The following CDH13 variants were observed in gnomAD, a reference collection of about 807,000 sequenced individuals.
CDH13 encodes the protein cadherin-13.
Under a neutral mutation model 63.8 loss-of-function variants are expected in CDH13, and 24 were observed. That is an observed-to-expected ratio of 0.38 (90% confidence interval 0.27 to 0.53). The LOEUF (loss-of-function observed/expected upper bound fraction) is 0.53. Ranked by LOEUF, CDH13 falls within the 20% of genes least tolerant of loss-of-function variation. The probability of loss-of-function intolerance (pLI) is 0.85; values close to 1 mark genes in which losing one functional copy is unlikely to be tolerated. For synonymous variants in CDH13, 503 were observed against 355.3 expected (o/e 1.42, Z -4.67); for missense variants, 1,049 against 903.1 (o/e 1.16, Z -2.07).
chr16:83,013,474 C>T (rs939230787), intron 2 of CDH13, among the ~76,000 whole-genome samples: 10 of 152,306 alleles, frequency 6.6e-5, no homozygotes, highest in South Asian at 4.1e-4. Flanking sequence ...ATGAAGCCCA[C>T]GCTTCAGTGT....
intron 5 of CDH13, among the ~76,000 whole-genome samples, chr16:83,263,629 T>C (rs1597617385): frequency 6.6e-6 from 1 of 152,214 alleles, no homozygotes; most frequent in Non-Finnish European, 1.5e-5. Context: ...TTGGCCAATG[T>C]AGAGGATTAA....
chr16:83,126,750 G>T (rs775883906), intron 4 of CDH13, among the ~76,000 whole-genome samples: 13 of 152,214 alleles, frequency 8.5e-5, no homozygotes, highest in Non-Finnish European at 1.3e-4. Flanking sequence ...TTAAATGAAT[G>T]ATCTTAATGG....
chr16:83,125,291 G>A, intron 3 of CDH13, 94 bp from the exon 4 acceptor site: 1 of 715,374 alleles, frequency 1.4e-6, no homozygotes, highest in Non-Finnish European at 2.5e-6. Flanking sequence ...CCAAACAGCT[G>A]TATGCTTTCC....
At chr16:83,482,648 A>C (rs2073797713) in intron 6 of CDH13, among the ~76,000 whole-genome samples, 1 of 152,264 alleles carries the variant, frequency 6.6e-6, no homozygotes, top group Non-Finnish European at 1.5e-5. Flanking sequence ...GGCAAGAGCC[A>C]AGCATTGCAC....
chr16:83,601,779 A>G (rs1314764797), intron 7 of CDH13, among the ~76,000 whole-genome samples: 1 of 152,140 alleles, frequency 6.6e-6, no homozygotes, highest in Admixed American at 6.5e-5. Context: ...CTGAAATAGC[A>G]GATATGGATG....
Position 82,896,276 on chromosome 16 carries a change from A to ATTTTT in CDH13, c.157+37832_157+37836dup, listed in dbSNP as rs59677448. Among the ~76,000 whole-genome samples, 60 of 87,850 alleles carry ATTTTT rather than the reference A, an allele frequency of 6.8e-4. 8 individuals carry two copies. Among genetic ancestry groups the ATTTTT allele is most frequent in the East Asian group, 4.9e-3 (7 of 1,428 alleles). The allele number at this position is 87,850 out of a possible 152,430, so 57.6% of individuals were successfully genotyped here. A position where few individuals can be genotyped will look rare whatever the true frequency, so the allele number is the denominator to read the frequency against. On this transcript the variant is annotated intron_variant, in intron 2 of 13. Coordinates refer to ENST00000567109, the MANE Select transcript of CDH13 (RefSeq NM_001257.5). ...GAGTCTTCTGAGAACTAGGATTAGGATTTTTTTTTTTTTTTTTTTTTTTTT... is the reference window on the plus strand; with the variant it reads ...GAGTCTTCTGAGAACTAGGATTAGGATTTTTTTTTTTTTTTTTTTTTTTTTTTTTT...
intron 6 of CDH13, among the ~76,000 whole-genome samples, chr16:83,468,819 A>G (rs1464341633): frequency 7.9e-5 from 12 of 152,196 alleles, no homozygotes. Context: ...TTTCTTACAT[A>G]GGTAAACGTG....
At chr16:82,939,286 G>A (rs1458448857) in intron 2 of CDH13, among the ~76,000 whole-genome samples, 1 of 152,114 alleles carries the variant, frequency 6.6e-6, no homozygotes, top group African/African-American at 2.4e-5. Flanking sequence ...AGCCAGGTGT[G>A]CTGGTGTGCA....
intron 1 of CDH13, among the ~76,000 whole-genome samples, chr16:82,674,772 G>T (rs980482839): frequency 6.6e-6 from 1 of 152,218 alleles, no homozygotes; most frequent in Non-Finnish European, 1.5e-5. Context: ...AAAGACAGGA[G>T]GAACTAAATT....
intron 6 of CDH13, among the ~76,000 whole-genome samples, chr16:83,435,577 C>T (rs115980082): frequency 5.3e-5 from 8 of 152,308 alleles, no homozygotes; most frequent in East Asian, 1.9e-4. Context: ...TCTCCCTGAA[C>T]GTGCCACGTG....
chr16:83,103,476 C>G (rs1054746435), intron 3 of CDH13, among the ~76,000 whole-genome samples: 1 of 150,192 alleles, frequency 6.7e-6, no homozygotes, highest in African/African-American at 2.5e-5. Flanking sequence ...GAACTCCTGA[C>G]CTCAAGTGAT....
chr16:83,516,817 A>G (rs1490398856), intron 7 of CDH13, among the ~76,000 whole-genome samples: 2 of 152,254 alleles, frequency 1.3e-5, no homozygotes, highest in Admixed American at 6.5e-5. Flanking sequence ...GTTTTTTACA[A>G]TGGCATTGTT....
At chr16:83,180,374 A>G (rs1220059515) in intron 4 of CDH13, among the ~76,000 whole-genome samples, 1 of 152,188 alleles carries the variant, frequency 6.6e-6, no homozygotes, top group Admixed American at 6.5e-5. Context: ...GGTTAGGAAC[A>G]AACAAACTTC....
intron 1 of CDH13, among the ~76,000 whole-genome samples, chr16:82,662,075 C>A (rs1912013226): frequency 6.6e-6 from 1 of 152,168 alleles, no homozygotes; most frequent in African/African-American, 2.4e-5. Flanking sequence ...TTGCTGGACA[C>A]CACTGAGTCA....
chr16:83,779,642 G>C (rs1915380570), intron 11 of CDH13, among the ~76,000 whole-genome samples: 1 of 151,954 alleles, frequency 6.6e-6, no homozygotes, highest in African/African-American at 2.4e-5. Flanking sequence ...GGGTAACATA[G>C]TGAGACACCG....
chr16:83,474,703 AAGGT>A (rs2073556438), intron 6 of CDH13, among the ~76,000 whole-genome samples: 6 of 152,350 alleles, frequency 3.9e-5, no homozygotes, highest in African/African-American at 1.2e-4. Flanking sequence ...TGTCCAAAGC[AAGGT>A]CAAGAGCTGG....
intron 1 of CDH13, among the ~76,000 whole-genome samples, chr16:82,665,120 G>C (rs868259285): frequency 3.9e-5 from 6 of 152,242 alleles, no homozygotes; most frequent in South Asian, 4.2e-4. Flanking sequence ...CTGCCTTCTT[G>C]TTTTAGCTTT....
At chr16:83,080,565 C>T (rs933073307) in intron 3 of CDH13, among the ~76,000 whole-genome samples, 2 of 151,976 alleles carry the variant, frequency 1.3e-5, no homozygotes, top group African/African-American at 4.8e-5. Context: ...TTATTAGTCC[C>T]GTTTTAAAGA....
intron 4 of CDH13, among the ~76,000 whole-genome samples, chr16:83,159,112 T>C (rs2037338726): frequency 6.6e-6 from 1 of 152,170 alleles, no homozygotes; most frequent in African/African-American, 2.4e-5. Flanking sequence ...GCTTATCTAT[T>C]TTTTTCTGTC....
Sources: allele counts gnomAD v4.1 joint callset (sites outside exome capture counted in the v4.1 genomes callset), GRCh38; gene constraint gnomAD v4.1.1; transcripts MANE v1.5; gene names NCBI Gene and HGNC (gene_info 2026-07-23, HGNC 2026-07-21).